The following DNAH14 variants were observed in gnomAD, a reference collection of about 807,000 sequenced individuals.
The protein encoded by DNAH14 is axonemal beta dynein heavy chain 14.
In DNAH14, 478 loss-of-function variants were observed where a neutral mutation model predicts 520.9. The observed-to-expected ratio is 0.92, with a 90% CI of 0.85 to 0.99. DNAH14 has a LOEUF of 0.99. DNAH14 is among the 50% of genes least tolerant of loss of function. The probability of loss-of-function intolerance (pLI) is 0.00; values close to 1 mark genes in which losing one functional copy is unlikely to be tolerated. For synonymous variants in DNAH14, 1,581 were observed against 1,757.2 expected, an observed-to-expected ratio of 0.90 and a Z score of 2.51; for missense variants, 4,831 against 5,234.5, an observed-to-expected ratio of 0.92 and a Z score of 2.38.
chr1:225,108,115 G>A (rs2076224088), intron 23 of DNAH14, among the ~76,000 whole-genome samples: 1 of 152,184 alleles, frequency 6.6e-6, no homozygotes, highest in African/African-American at 2.4e-5. Context: ...AACTGGCAGA[G>A]GAACGTGGAA....
In DNAH14 at chr1:225,153,814, G is replaced by T. The variant is rs1044809802; in HGVS notation, c.5261G>T (p.Arg1754Leu). ...IVLIMAGTKK[R>L]EFKCDTSDSL... ...TTAATAATGGCTGGAACGAAGAAAC[G>T]GGAGTTTAAATGGTCAGTTGAATTT... The change falls in exon 34 of 86, where the codon CGG becomes CTG. Residue 1754 changes from arginine to leucine, a missense_variant. By Grantham distance (102) the Arg-to-Leu change is moderately radical. Transcript: ENST00000682510. The T allele has an allele frequency of 6.5e-7, 1 of 1,549,404 alleles. No individual in the cohort carries two copies. Among genetic ancestry groups the T allele is most frequent in the African/African-American group, 1.4e-5 (1 of 72,924 alleles).
rs1435772475 is a variant in DNAH14 at position 225,389,751 on chromosome 1, C to G, written c.13208C>G (p.Thr4403Arg). 6.4e-7 allele frequency: 1 copy of G among 1,552,152 alleles called. No homozygotes were observed. Among genetic ancestry groups the G allele is most frequent in the Non-Finnish European group, 8.7e-7 (1 of 1,147,116 alleles). Reference sequence around the variant, plus strand: ...TCCACTAGGTATATGAGATTTGTCACAGTTTGGAAGCAGTCTATTCCATCA... The same window carrying G: ...TCCACTAGGTATATGAGATTTGTCAGAGTTTGGAAGCAGTCTATTCCATCA... ...AIQRRYMRFV[T>R]VWKQSIPSTS... is the part of the protein sequence containing the mutation. The change falls in exon 83 of 86, where the codon ACA becomes AGA. Residue 4403 changes from threonine to arginine, a missense_variant. Coordinates refer to ENST00000682510, the MANE Select transcript of DNAH14 (RefSeq NM_001367479.1).
chr1:225,042,648 C>T (rs189604857), intron 12 of DNAH14, among the ~76,000 whole-genome samples, 187 bp from the exon 13 acceptor site: 1 of 152,306 alleles, frequency 6.6e-6, no homozygotes, highest in African/African-American at 2.4e-5. Flanking sequence ...TCCTTCATTA[C>T]AATGTCATTT....
chr1:225,335,846 C>T (rs1444639049), intron 66 of DNAH14, among the ~76,000 whole-genome samples: 1 of 84,222 alleles, frequency 1.2e-5, no homozygotes, highest in African/African-American at 5.0e-5. Context: ...TATGTACATA[C>T]ACATATGTAC....
chr1:225,178,681 G>A (rs985619244), intron 36 of DNAH14, among the ~76,000 whole-genome samples: 3 of 152,166 alleles, frequency 2.0e-5, no homozygotes, highest in African/African-American at 7.2e-5. Context: ...TTTGGACTGT[G>A]GATTTTTGAG....
At chr1:225,373,345 G>A (rs575855705) in intron 77 of DNAH14, among the ~76,000 whole-genome samples, 1 of 152,204 alleles carries the variant, frequency 6.6e-6, no homozygotes, top group South Asian at 2.1e-4. Flanking sequence ...CGCGCCTGTA[G>A]TCCCAGCTAC....
At chr1:224,966,884 A>G (rs2501156) in intron 5 of DNAH14, among the ~76,000 whole-genome samples, 22,920 of 152,054 alleles carry the variant, frequency 0.15, 3,189 homozygotes, top group African/African-American at 0.36. Flanking sequence ...TGTTTAATGA[A>G]GTTGAAAATA....
At chr1:225,246,027 T>C (rs922679082) in intron 43 of DNAH14, among the ~76,000 whole-genome samples, 1 of 141,596 alleles carries the variant, frequency 7.1e-6, no homozygotes, top group African/African-American at 2.7e-5. Flanking sequence ...AAAACAAATA[T>C]ATAGACTACT....
intron 43 of DNAH14, among the ~76,000 whole-genome samples, chr1:225,252,079 A>G (rs1401430658): frequency 6.6e-6 from 1 of 152,198 alleles, no homozygotes; most frequent in Non-Finnish European, 1.5e-5. Context: ...ATCATACTTC[A>G]CCTTGCTTTC....
intron 1 of DNAH14, among the ~76,000 whole-genome samples, chr1:224,937,110 CAG>C (rs768574815): frequency 1.5e-4 from 22 of 151,690 alleles, no homozygotes; most frequent in Non-Finnish European, 3.0e-4. Context: ...CAGCCGACAT[CAG>C]GGAAAAATTG....
intron 9 of DNAH14, among the ~76,000 whole-genome samples, chr1:225,006,761 C>T (rs1220704581): frequency 6.6e-6 from 1 of 152,076 alleles, no homozygotes; most frequent in East Asian, 1.9e-4. Context: ...TCTTGCTCTC[C>T]CATTTGCCTT....
At position 225,232,243 on chromosome 1, in the gene DNAH14, C is replaced by T. The variant is rs2091194367; in HGVS notation, c.6518+1092C>T. ...TTCTTTTCACTGCTACCTACTAGTC[C>T]ATTGTCATTATATATATAAACTGTG... On this transcript the variant is annotated intron_variant, in intron 42 of 85. Transcript: ENST00000682510. This position sits in a 1 kb window ranked among gnomAD's most constrained non-coding sequence, Gnocchi z 4.2. Among the ~76,000 whole-genome samples the T allele has an allele frequency of 6.6e-6, 1 of 150,550 alleles. No individual in the cohort carries two copies. The highest frequency in any genetic ancestry group is 2.4e-5 in the African/African-American group (1 of 41,002).
intron 11 of DNAH14, among the ~76,000 whole-genome samples, chr1:225,033,638 A>G (rs1038404345): frequency 2.0e-5 from 3 of 152,104 alleles, no homozygotes; most frequent in Admixed American, 2.0e-4. Context: ...GTTTGATAGG[A>G]ATAGCATTGA....
intron 36 of DNAH14, among the ~76,000 whole-genome samples, chr1:225,175,340 G>A (rs933541696): frequency 6.6e-6 from 1 of 152,094 alleles, no homozygotes; most frequent in Non-Finnish European, 1.5e-5. Flanking sequence ...GACCTGCATA[G>A]GTTTTCTTTT....
At chr1:225,284,654 A>G (rs983215410) in intron 54 of DNAH14, among the ~76,000 whole-genome samples, 8 of 152,216 alleles carry the variant, frequency 5.3e-5, no homozygotes, top group Non-Finnish European at 1.2e-4. Flanking sequence ...TAACATCCTA[A>G]TACCAAAACT....
intron 8 of DNAH14, among the ~76,000 whole-genome samples, chr1:224,974,354 A>C (rs1369177127): frequency 6.6e-6 from 1 of 152,186 alleles, no homozygotes; most frequent in Non-Finnish European, 1.5e-5. Flanking sequence ...ATGGTCATAG[A>C]ACTATGGAAA....
At chr1:225,119,767 G>A (rs913063454) in intron 26 of DNAH14, among the ~76,000 whole-genome samples, 2 of 152,128 alleles carry the variant, frequency 1.3e-5, no homozygotes, top group Non-Finnish European at 2.9e-5. Context: ...ACCTCAGAGC[G>A]TGAACTTTCA....
chr1:225,210,970 G>GT (rs2088312097), intron 41 of DNAH14, among the ~76,000 whole-genome samples: 1 of 152,170 alleles, frequency 6.6e-6, no homozygotes, highest in Non-Finnish European at 1.5e-5. Context: ...TCAACAGAAA[G>GT]TAAGTCCACA....
chr1:225,346,409 A>T, intron 70 of DNAH14, 29 bp downstream of exon 70: 1 of 1,527,370 alleles, frequency 6.5e-7, no homozygotes, highest in Non-Finnish European at 8.8e-7. Flanking sequence ...TGAATTTTAC[A>T]TGCTTATTTA....
Sources: gnomAD v4.1 joint callset for allele counts (sites outside exome capture counted in the v4.1 genomes callset) on GRCh38, gnomAD v4.1.1 for gene constraint, Gnocchi (gnomAD v3.1) non-coding constraint, MANE v1.5 for transcripts, NCBI Gene and HGNC (gene_info 2026-07-23, HGNC 2026-07-21) for gene names.